Variants in HERC2 observed in about 807,000 individuals in gnomAD.
HERC2 encodes the protein E3 ubiquitin-protein ligase HERC2.
In HERC2, 102 loss-of-function variants were observed where a neutral mutation model predicts 537.7. That is an observed-to-expected ratio of 0.19 (90% CI 0.16 to 0.22). The LOEUF (loss-of-function observed/expected upper bound fraction) is 0.22, where lower values mean the gene tolerates loss of function less well. Among genes scored for constraint, HERC2 ranks in the 10% least tolerant of loss-of-function variants. The pLI, the probability that HERC2 is intolerant of heterozygous loss-of-function variation, is 1.00. For synonymous variants in HERC2, 2,224 were observed against 2,466.2 expected, an observed-to-expected ratio of 0.90 and a Z score of 2.91; for missense variants, 4,236 against 6,198.2, an observed-to-expected ratio of 0.68 and a Z score of 10.63.
At chr15:28,254,319 A>G (rs1353331125) in intron 20 of HERC2, 21 bp downstream of exon 20, 2 of 1,519,964 alleles carry the variant, frequency 1.3e-6, no homozygotes, top group Non-Finnish European at 8.9e-7. Flanking sequence ...CATATAATAC[A>G]ATACAGCTAC....
intron 65 of HERC2, 67 bp from the exon 66 acceptor site, chr15:28,169,722 G>T: frequency 6.7e-7 from 1 of 1,484,050 alleles, no homozygotes; most frequent in South Asian, 1.3e-5. Context: ...TATAAAATCT[G>T]ACCTTACAGG....
intron 23 of HERC2, among the ~76,000 whole-genome samples, chr15:28,240,054 G>T (rs1426838901): frequency 6.6e-6 from 1 of 151,408 alleles, no homozygotes; most frequent in Non-Finnish European, 1.5e-5. Flanking sequence ...ATATTGTAGG[G>T]TTTTTTTTTA....
At chr15:28,306,339 T>A (rs1253462040) in intron 2 of HERC2, among the ~76,000 whole-genome samples, 1 of 152,216 alleles carries the variant, frequency 6.6e-6, no homozygotes, top group Non-Finnish European at 1.5e-5. Context: ...TATGGTTTTT[T>A]ATCCTTCATT....
intron 26 of HERC2, among the ~76,000 whole-genome samples, chr15:28,235,237 C>T (rs1186439329): frequency 6.6e-6 from 1 of 152,160 alleles, no homozygotes; most frequent in East Asian, 1.9e-4. Flanking sequence ...TGCCGACTCT[C>T]TCTGGCCCCC....
At chr15:28,311,377 T>C (rs1256324273) in intron 2 of HERC2, among the ~76,000 whole-genome samples, 3 of 152,248 alleles carry the variant, frequency 2.0e-5, no homozygotes, top group African/African-American at 7.2e-5. Flanking sequence ...GGTGGGAGGA[T>C]CACCTGAGCC....
At chr15:28,295,830 G>A (rs981292062) in intron 3 of HERC2, among the ~76,000 whole-genome samples, 1 of 151,992 alleles carries the variant, frequency 6.6e-6, no homozygotes, top group Non-Finnish European at 1.5e-5. Flanking sequence ...TCCCCTGCCC[G>A]CTGACATAGT....
At position 28,111,665 on chromosome 15, in the gene HERC2, G is replaced by A. The variant is rs540237936; in HGVS notation, c.*98C>T. 2.5e-5 allele frequency: 33 copies of A among 1,329,338 alleles called. No homozygotes were observed. The highest frequency in any genetic ancestry group is 1.2e-4 in the East Asian group (5 of 42,954). 82.3% of individuals were successfully genotyped at this position (1,329,338 alleles called of 1,614,324 possible). Reference sequence around the variant, plus strand: ...CCTCCCGCCTGGCTCGAGGACGGACGCTTCTCATCAGACACACCAGGCAGC... The same window carrying A: ...CCTCCCGCCTGGCTCGAGGACGGACACTTCTCATCAGACACACCAGGCAGC... On this transcript the variant is annotated 3_prime_UTR_variant, in exon 93 of 93. Transcript: ENST00000261609.
intron 29 of HERC2, 21 bp downstream of exon 29, chr15:28,233,413 A>C: frequency 7.6e-7 from 1 of 1,311,214 alleles, no homozygotes; most frequent in South Asian, 1.2e-5. Flanking sequence ...GCACAGAATA[A>C]AAAGAATTAA....
intron 78 of HERC2, among the ~76,000 whole-genome samples, chr15:28,140,584 T>C (rs1321583707): frequency 2.0e-5 from 3 of 151,786 alleles, no homozygotes; most frequent in African/African-American, 2.4e-5. Context: ...TGCAGTGGTG[T>C]GATCTCGGCT....
At chr15:28,133,485 T>C (rs1202966405) in intron 79 of HERC2, among the ~76,000 whole-genome samples, 1 of 152,222 alleles carries the variant, frequency 6.6e-6, no homozygotes, top group Non-Finnish European at 1.5e-5. Flanking sequence ...TCATGAATCA[T>C]GCTTTTGGAG....
At chr15:28,271,437 C>T (rs1209560684) in intron 9 of HERC2, among the ~76,000 whole-genome samples, 2 of 152,134 alleles carry the variant, frequency 1.3e-5, no homozygotes, top group Admixed American at 6.5e-5. Context: ...GCCAGGCAGG[C>T]GCAGGCGGAT....
chr15:28,276,382 T>C (rs2075875124), intron 5 of HERC2, among the ~76,000 whole-genome samples: 1 of 151,888 alleles, frequency 6.6e-6, no homozygotes, highest in South Asian at 2.1e-4. Flanking sequence ...GGGCACTGGG[T>C]ACCTGGAAGA....
intron 35 of HERC2, among the ~76,000 whole-genome samples, chr15:28,223,250 C>G (rs1160450554): frequency 1.3e-5 from 2 of 152,164 alleles, no homozygotes; most frequent in South Asian, 4.2e-4. Context: ...ATTTTTAACC[C>G]CCCTTTTCCC....
At chr15:28,266,004 C>A (rs781451207) in intron 12 of HERC2, 30 bp from the exon 13 acceptor site, 4 of 1,608,380 alleles carry the variant, frequency 2.5e-6, no homozygotes, top group Non-Finnish European at 3.4e-6. Flanking sequence ...AACATGAATG[C>A]CCTTCTTCTT....
At position 28,248,611 on chromosome 15, in the gene HERC2, C is replaced by T; in HGVS notation, c.3176G>A (p.Arg1059His). ...ASLDLLLRFQRLLISKLYPGE... is the reference protein window; with the variant it reads ...ASLDLLLRFQHLLISKLYPGE... Reference sequence around the variant, plus strand: ...TGGATAAAGTTTACTAATAAGCAAACGTTGAAAACGCAGTAACAAATCCAA... The same window carrying T: ...TGGATAAAGTTTACTAATAAGCAAATGTTGAAAACGCAGTAACAAATCCAA... The change falls in exon 21 of 93, where the codon CGT (arginine) becomes CAT (histidine). Residue 1059 changes from arginine (R) to histidine (H), a missense_variant. By Grantham distance (29) the Arg-to-His change is conservative. This residue lies in a region of HERC2 where 754 missense variants were observed against 1,085.0 expected (regional missense o/e 0.69). Coordinates refer to ENST00000261609, the MANE Select transcript of HERC2 (RefSeq NM_004667.6). The T allele has an allele frequency of 2.5e-6, 4 of 1,613,964 alleles. No individual in the cohort carries two copies. Among genetic ancestry groups the T allele is most frequent in the Non-Finnish European group, 2.5e-6 (3 of 1,179,876 alleles).
Position 28,270,829 on chromosome 15 carries a change from T to G in HERC2, c.1123A>C (p.Arg375=), listed in dbSNP as rs568161836. Residue 375 remains arginine, a synonymous_variant, in exon 10 of 93, where the codon AGG becomes CGG. Coordinates refer to ENST00000261609, the MANE Select transcript of HERC2 (RefSeq NM_004667.6). ...GPLSPNESFL[R]YLTLPQDNEL... ...TTGTCTTGTGGAAGGGTGAGGTACC[T>G]CAGGAAACTCTCATTGGGGCTCAGA... 2.5e-6 allele frequency: 4 copies of G among 1,613,808 alleles called. 1 individual carries two copies. Among genetic ancestry groups the G allele is most frequent in the Non-Finnish European group, 1.7e-6 (2 of 1,179,832 alleles).
chr15:28,295,284 G>C (rs1186490585), intron 3 of HERC2, among the ~76,000 whole-genome samples: 1 of 123,106 alleles, frequency 8.1e-6, no homozygotes, highest in Non-Finnish European at 1.7e-5. Context: ...GCTTCTAAAG[G>C]CCAGACTCTG....
chr15:28,138,341 G>A (rs1482301449), intron 78 of HERC2, among the ~76,000 whole-genome samples: 2 of 152,196 alleles, frequency 1.3e-5, no homozygotes, highest in African/African-American at 4.8e-5. Context: ...TAGCTAGAGA[G>A]AAGTCAATGT....
chr15:28,293,562 A>G (rs993303596), intron 3 of HERC2, among the ~76,000 whole-genome samples: 4 of 151,982 alleles, frequency 2.6e-5, no homozygotes, highest in African/African-American at 9.7e-5. Context: ...GTGATATTCC[A>G]TCTACTTCCT....
Sources: allele counts gnomAD v4.1 joint callset (sites outside exome capture counted in the v4.1 genomes callset), GRCh38; gene constraint gnomAD v4.1.1; regional missense constraint gnomAD v4.1.1; transcripts MANE v1.5; gene names NCBI Gene and HGNC (gene_info 2026-07-23, HGNC 2026-07-21).